The following COQ3 variants were observed in gnomAD, a reference collection of about 807,000 sequenced individuals.
The protein encoded by COQ3 is ubiquinone biosynthesis O-methyltransferase, mitochondrial.
COQ3 carries 29 observed loss-of-function variants against 33.1 expected under a neutral mutation model. The ratio of observed to expected loss-of-function variants is 0.88; its 90% CI spans 0.65 to 1.19. The LOEUF (loss-of-function observed/expected upper bound fraction) is 1.19, where lower values mean the gene tolerates loss of function less well. Among genes scored for constraint, COQ3 ranks in the 50% most tolerant of loss-of-function variants. COQ3 has a pLI of 0.00. For missense variants in COQ3, 437 were observed against 430.7 expected, an observed-to-expected ratio of 1.01 and a Z score of -0.13; for synonymous variants, 173 against 157.8, an observed-to-expected ratio of 1.10 and a Z score of -0.72.
At chr6:99,388,901 A>G (rs868667774) in intron 1 of COQ3, among the ~76,000 whole-genome samples, 34,167 of 133,858 alleles carry the variant, frequency 0.26, 4,275 homozygotes, top group Middle Eastern at 0.38. Context: ...GCACACACAC[A>G]CACACACACA....
At chr6:99,390,621 G>A (rs574834474) in intron 1 of COQ3, among the ~76,000 whole-genome samples, 6 of 152,236 alleles carry the variant, frequency 3.9e-5, no homozygotes, top group East Asian at 3.9e-4. Flanking sequence ...CGTGAGCCAC[G>A]CGCCCAGTCT....
intron 1 of COQ3, among the ~76,000 whole-genome samples, chr6:99,390,516 G>A (rs988924053): frequency 9.2e-5 from 14 of 152,032 alleles, no homozygotes; most frequent in Non-Finnish European, 1.5e-5. Context: ...TGGATTTTTA[G>A]TAGAGACGGG....
intron 1 of COQ3, among the ~76,000 whole-genome samples, chr6:99,384,032 C>A (rs1453175247): frequency 6.6e-6 from 1 of 152,086 alleles, no homozygotes; most frequent in African/African-American, 2.4e-5. Flanking sequence ...TCCCAAGTAG[C>A]GGGGACTACA....
intron 3 of COQ3, among the ~76,000 whole-genome samples, chr6:99,378,110 A>ATC (rs1774348269): frequency 4.3e-5 from 1 of 23,194 alleles, no homozygotes; most frequent in South Asian, 2.6e-3. Context: ...CTAAACATAT[A>ATC]TATATATATA....
chr6:99,388,928 CACACA>C (rs748909887), intron 1 of COQ3, among the ~76,000 whole-genome samples: 20,175 of 124,012 alleles, frequency 0.16, 1,729 homozygotes, highest in Non-Finnish European at 0.22. Context: ...CACACACACA[CACACA>C]CCCACATCCT....
At chr6:99,370,128 A>G (rs1562199873) in intron 6 of COQ3, among the ~76,000 whole-genome samples, 1 of 152,272 alleles carries the variant, frequency 6.6e-6, no homozygotes, top group East Asian at 1.9e-4. Flanking sequence ...AACTTTATAA[A>G]TCTCAGTTTT....
intron 1 of COQ3, among the ~76,000 whole-genome samples, chr6:99,386,228 G>A (rs1774651106): frequency 6.6e-6 from 1 of 151,900 alleles, no homozygotes; most frequent in Admixed American, 6.6e-5. Context: ...TCAGGAGTTC[G>A]AGACCAGGCT....
At chr6:99,380,852 A>C (rs1257985805) in intron 2 of COQ3, among the ~76,000 whole-genome samples, 1 of 152,150 alleles carries the variant, frequency 6.6e-6, no homozygotes, top group Non-Finnish European at 1.5e-5. Context: ...GGTTGCAGTG[A>C]GTAGAGATTG....
rs774644061 is a variant in COQ3 at position 99,376,190 on chromosome 6, C to A, written c.487-8G>T. 3 of 1,608,302 alleles carry A rather than the reference C, an allele frequency of 1.9e-6. No homozygotes were observed. On this transcript the variant is annotated splice_polypyrimidine_tract_variant and splice_region_variant and intron_variant, in intron 4 of 6. Coordinates refer to ENST00000254759, the MANE Select transcript of COQ3 (RefSeq NM_017421.4). ...CCCAAGCCGCCCTAGAGGCTAATGG[C>A]ATTAAAAAAACTGTTACCCTCAGGA...
At chr6:99,374,776 C>T (rs1357508741) in intron 5 of COQ3, among the ~76,000 whole-genome samples, 2 of 151,992 alleles carry the variant, frequency 1.3e-5, no homozygotes, top group East Asian at 3.9e-4. Context: ...CCTGAGTCCT[C>T]GTAGGTGAAA....
At chr6:99,389,018 C>T (rs372464542) in intron 1 of COQ3, among the ~76,000 whole-genome samples, 2 of 151,962 alleles carry the variant, frequency 1.3e-5, no homozygotes. Context: ...AATTATCATA[C>T]TAAAGTTGAT....
intron 1 of COQ3, among the ~76,000 whole-genome samples, chr6:99,388,165 CA>C (rs1166838322): frequency 6.7e-6 from 1 of 149,980 alleles, no homozygotes; most frequent in Non-Finnish European, 1.5e-5. Flanking sequence ...ACTCCATCTC[CA>C]AAAAAATAAA....
At chr6:99,387,180 G>T (rs952173322) in intron 1 of COQ3, among the ~76,000 whole-genome samples, 2 of 152,188 alleles carry the variant, frequency 1.3e-5, no homozygotes, top group Admixed American at 1.3e-4. Context: ...CAGGCAGGGT[G>T]GCTCACACCT....
rs866425704 is a variant in COQ3 at position 99,378,049 on chromosome 6, T to C, written c.387-564A>G. 3.5e-5 allele frequency among the ~76,000 whole-genome samples: 5 copies of C among 143,778 alleles called. No homozygotes were observed. In the South Asian group the frequency reaches 6.5e-4, roughly 19 times the overall value. The allele number at this position is 143,778 out of a possible 152,430, so 94.3% of individuals were successfully genotyped here. The stretch of plus-strand genomic sequence containing the variant: ...TTAATACTTTACCTATACAAACATA[T>C]GTATACACACATATACACACAAGTA... On this transcript the variant is annotated intron_variant, in intron 3 of 6. Coordinates refer to ENST00000254759, the MANE Select transcript of COQ3 (RefSeq NM_017421.4).
chr6:99,388,731 C>T lies in COQ3; in HGVS notation c.107-4907G>A, dbSNP rs532113865. On this transcript the variant is annotated intron_variant, in intron 1 of 6. Coordinates refer to ENST00000254759, the MANE Select transcript of COQ3 (RefSeq NM_017421.4). ...GGTGTGGTGGTGGGAACCTGTAATA[C>T]GAGCTACTCAGGAGGCTGAGGCAGG... 1.4e-4 allele frequency among the ~76,000 whole-genome samples: 21 copies of T among 152,024 alleles called. No homozygotes were observed. The East Asian group carries it at 2.9e-3, about 21-fold the overall frequency.
At chr6:99,377,558 T>C (rs1008220295) in intron 3 of COQ3, 73 bp from the exon 4 acceptor site, 1 of 1,026,280 alleles carries the variant, frequency 9.7e-7, no homozygotes, top group Non-Finnish European at 1.4e-6. Flanking sequence ...AAGTGTGTAG[T>C]TTTCAAGGAA....
At chr6:99,393,337 AATAACCT>A (rs1198831911) in intron 1 of COQ3, among the ~76,000 whole-genome samples, 1 of 152,214 alleles carries the variant, frequency 6.6e-6, no homozygotes, top group Non-Finnish European at 1.5e-5. Context: ...AGTACCAACT[AATAACCT>A]TTATTAATGG....
In COQ3 at chr6:99,375,320, G is replaced by C. The variant is rs192552500; in HGVS notation, c.729+620C>G. On this transcript the variant is annotated intron_variant, in intron 5 of 6. Transcript: ENST00000254759. ...CAATATCTGTTAAGTATTTAATCCC[G>C]ACTGCACCAGTGGAAAAATACTGCT... Among the ~76,000 whole-genome samples, 4 of 151,314 alleles carry C rather than the reference G, an allele frequency of 2.6e-5. No homozygotes were observed. In the East Asian group the frequency reaches 7.8e-4, roughly 29 times the overall value.
chr6:99,391,273 A>AT (rs552777991), intron 1 of COQ3, among the ~76,000 whole-genome samples: 9,125 of 137,432 alleles, frequency 0.066, 881 homozygotes, highest in East Asian at 0.44. Context: ...TAAATTTTGT[A>AT]TTTTTTTTTT....
Sources: gnomAD v4.1 joint callset for allele counts (sites outside exome capture counted in the v4.1 genomes callset) on GRCh38, gnomAD v4.1.1 for gene constraint, MANE v1.5 for transcripts, NCBI Gene and HGNC (gene_info 2026-07-23, HGNC 2026-07-21) for gene names.